Variants in SIPA1L1 observed in about 807,000 individuals in gnomAD.
SIPA1L1 encodes the protein signal induced proliferation associated 1 like 1.
Under a neutral mutation model 162.7 loss-of-function variants are expected in SIPA1L1, and 26 were observed. The observed-to-expected ratio is 0.16, with a 90% confidence interval of 0.12 to 0.22. The LOEUF (loss-of-function observed/expected upper bound fraction) is 0.22. Among genes scored for constraint, SIPA1L1 ranks in the 10% least tolerant of loss-of-function variants. The pLI is 1.00. For missense variants in SIPA1L1, 1,874 were observed against 2,241.0 expected (o/e 0.84, Z 3.31); for synonymous variants, 829 against 837.4 (o/e 0.99, Z 0.17).
intron 17 of SIPA1L1, among the ~76,000 whole-genome samples, chr14:71,710,489 G>T (rs988494554): frequency 1.3e-5 from 2 of 152,028 alleles, no homozygotes; most frequent in African/African-American, 2.4e-5. Flanking sequence ...CTGTCTTCTG[G>T]GTCTGCTATG....
chr14:71,421,055 G>A (rs573976393), intron 2 of SIPA1L1, among the ~76,000 whole-genome samples: 1 of 152,240 alleles, frequency 6.6e-6, no homozygotes, highest in East Asian at 1.9e-4. Context: ...AAGAAATGGG[G>A]TCATTTGTCC....
chr14:71,632,282 A>G lies in SIPA1L1; in HGVS notation c.1818+8046A>G, dbSNP rs74529870. On this transcript the variant is annotated intron_variant, in intron 7 of 23. Coordinates refer to ENST00000381232, the MANE Select transcript of SIPA1L1 (RefSeq NM_001386936.1). ...AGGTCCCTGGGTTTTCTCTTTGCTC[A>G]TATATCCCAGTCTTGGGCTGAAGAA... Among the ~76,000 whole-genome samples the G allele has an allele frequency of 3.3e-5, 5 of 152,292 alleles. No individual in the cohort carries two copies. The East Asian group carries it at 9.6e-4, about 29-fold the overall frequency.
chr14:71,442,981 T>C (rs1049467929), intron 2 of SIPA1L1, among the ~76,000 whole-genome samples: 3 of 152,174 alleles, frequency 2.0e-5, no homozygotes, highest in Non-Finnish European at 4.4e-5. Context: ...AAAGAGCCTA[T>C]GTTTTTGTGA....
intron 14 of SIPA1L1, among the ~76,000 whole-genome samples, chr14:71,701,125 C>A (rs559980442): frequency 6.6e-6 from 1 of 151,050 alleles, no homozygotes; most frequent in African/African-American, 2.4e-5. Flanking sequence ...ATGGAATTGC[C>A]GTTTTACACA....
intron 2 of SIPA1L1, among the ~76,000 whole-genome samples, chr14:71,439,116 T>C (rs1279668403): frequency 6.6e-6 from 1 of 152,116 alleles, no homozygotes; most frequent in Non-Finnish European, 1.5e-5. Flanking sequence ...CAGGAAGACC[T>C]CATGGAGAGG....
At chr14:71,665,967 A>G (rs772184767) in intron 10 of SIPA1L1, among the ~76,000 whole-genome samples, 1 of 152,210 alleles carries the variant, frequency 6.6e-6, no homozygotes, top group Non-Finnish European at 1.5e-5. Flanking sequence ...ACAGAAAGTT[A>G]AAACCATAGA....
chr14:71,367,509 C>T (rs1346845645), intron 2 of SIPA1L1, among the ~76,000 whole-genome samples: 5 of 151,242 alleles, frequency 3.3e-5, no homozygotes, highest in African/African-American at 7.3e-5. Flanking sequence ...GGGGTTTCAC[C>T]GTGTTAGCCA....
chr14:71,519,786 C>T (rs946181536), intron 3 of SIPA1L1, among the ~76,000 whole-genome samples: 1 of 151,806 alleles, frequency 6.6e-6, no homozygotes, highest in East Asian at 1.9e-4. Flanking sequence ...GATCATACCA[C>T]TGCACTCCAG....
chr14:71,529,460 A>G, intron 4 of SIPA1L1, 90 bp downstream of exon 4: 3 of 557,070 alleles, frequency 5.4e-6, no homozygotes, highest in South Asian at 4.7e-5. Flanking sequence ...AAATGAAAAC[A>G]TAGAAACAAA....
At chr14:71,355,130 CT>C (rs2037116378) in intron 2 of SIPA1L1, among the ~76,000 whole-genome samples, 1 of 152,124 alleles carries the variant, frequency 6.6e-6, no homozygotes, top group Non-Finnish European at 1.5e-5. Context: ...TGAAAAGTAC[CT>C]TGTGTAGTTT....
At chr14:71,551,999 G>A (rs1159229449) in intron 4 of SIPA1L1, among the ~76,000 whole-genome samples, 2 of 151,980 alleles carry the variant, frequency 1.3e-5, no homozygotes, top group Non-Finnish European at 2.9e-5. Context: ...TTTCTGCATG[G>A]CACTTCTAGC....
chr14:71,543,982 C>CATGT (rs556926557), intron 4 of SIPA1L1, among the ~76,000 whole-genome samples: 173 of 147,778 alleles, frequency 1.2e-3, no homozygotes, highest in Non-Finnish European at 1.9e-3. Flanking sequence ...CACACACGCA[C>CATGT]ATGTATATAT....
intron 2 of SIPA1L1, among the ~76,000 whole-genome samples, chr14:71,402,316 A>G (rs529843153): frequency 1.3e-5 from 2 of 152,082 alleles, no homozygotes; most frequent in Admixed American, 6.6e-5. Flanking sequence ...GGTTTAGATA[A>G]CAGTGCCACC....
chr14:71,596,680 T>C (rs535654871), intron 5 of SIPA1L1, among the ~76,000 whole-genome samples: 1 of 152,320 alleles, frequency 6.6e-6, no homozygotes, highest in East Asian at 1.9e-4. Flanking sequence ...ATGGTATTTA[T>C]AGCCTCCAAT....
chr14:71,700,795 T>A (rs566331659), intron 14 of SIPA1L1, among the ~76,000 whole-genome samples: 1 of 151,718 alleles, frequency 6.6e-6, no homozygotes, highest in Non-Finnish European at 1.5e-5. Flanking sequence ...GAGATCAAGA[T>A]CATCCTGGCT....
intron 6 of SIPA1L1, among the ~76,000 whole-genome samples, chr14:71,621,481 A>T (rs945518214): frequency 6.6e-6 from 1 of 151,698 alleles, no homozygotes; most frequent in Admixed American, 6.6e-5. Flanking sequence ...ATTCCTCCCC[A>T]CTGCTGTGTT....
chr14:71,493,851 T>C (rs1021484364), intron 2 of SIPA1L1, among the ~76,000 whole-genome samples: 2 of 152,262 alleles, frequency 1.3e-5, no homozygotes, highest in Non-Finnish European at 2.9e-5. Context: ...CCTTAAAGGA[T>C]AGATTCAGCA....
chr14:71,570,956 C>T (rs1053901205), intron 4 of SIPA1L1, among the ~76,000 whole-genome samples: 1 of 152,056 alleles, frequency 6.6e-6, no homozygotes, highest in African/African-American at 2.4e-5. Flanking sequence ...CCACCACACC[C>T]AGCCAATTTT....
Position 71,724,560 on chromosome 14 carries a change from CATA to C in SIPA1L1, c.4449-106_4449-104del. 4 of 791,572 alleles carry C rather than the reference CATA, an allele frequency of 5.1e-6. No homozygotes were observed. In the African/African-American group the frequency reaches 5.2e-5, roughly 10 times the overall value. The allele number at this position is 791,572 out of a possible 1,614,324, so 49.0% of individuals were successfully genotyped here. On this transcript the variant is annotated intron_variant, in intron 18 of 23. Coordinates refer to ENST00000381232, the MANE Select transcript of SIPA1L1 (RefSeq NM_001386936.1). Reference sequence around the variant, plus strand: ...ACAGAAGTAATTATCTGTTTCTCCACATAATATTTCTCTATTGACTTATATTGA... The same window carrying C: ...ACAGAAGTAATTATCTGTTTCTCCACATATTTCTCTATTGACTTATATTGA...
Sources: allele counts gnomAD v4.1 joint callset (sites outside exome capture counted in the v4.1 genomes callset), GRCh38; gene constraint gnomAD v4.1.1; transcripts MANE v1.5; gene names NCBI Gene and HGNC (gene_info 2026-07-23, HGNC 2026-07-21).